The following TNNT3 variants were observed in gnomAD, a reference collection of about 807,000 sequenced individuals.
TNNT3 encodes troponin T3, fast skeletal type.
A neutral mutation model predicts 54.2 loss-of-function variants in TNNT3; 36 were observed. The ratio of observed to expected loss-of-function variants is 0.66; its 90% confidence interval spans 0.51 to 0.88. The LOEUF (loss-of-function observed/expected upper bound fraction) is 0.88. Among genes scored for constraint, TNNT3 ranks in the 40% least tolerant of loss-of-function variants. TNNT3 has a pLI of 0.00. For synonymous variants in TNNT3, 120 were observed against 109.7 expected (o/e 1.09, Z -0.59); for missense variants, 291 against 331.6 (o/e 0.88, Z 0.95).
At position 1,934,112 on chromosome 11, in the gene TNNT3, T is replaced by A; in HGVS notation, c.366+104T>A. 3.8e-6 allele frequency: 5 copies of A among 1,330,374 alleles called. No individual in the cohort carries two copies. The South Asian group carries it at 6.2e-5, about 17-fold the overall frequency. The allele number at this position is 1,330,374 out of a possible 1,614,324, so 82.4% of individuals were successfully genotyped here. A position where few individuals can be genotyped will look rare whatever the true frequency, so the allele number is the denominator to read the frequency against. On this transcript the variant is annotated intron_variant, in intron 11 of 15. Transcript: ENST00000278317. ...CTTCTCCCGGGGTTCCCATTGTCAT[T>A]GGCCAATGATCAGAACCACTGGCTA...
At position 1,938,616 on chromosome 11, in the gene TNNT3, T is replaced by A. The variant is rs534053165; in HGVS notation, c.*124T>A. 6.4e-5 allele frequency: 66 copies of A among 1,025,686 alleles called. No individual in the cohort carries two copies. In the South Asian group the frequency reaches 8.5e-4, roughly 13 times the overall value. 63.5% of individuals were successfully genotyped at this position (1,025,686 alleles called of 1,614,324 possible). On this transcript the variant is annotated 3_prime_UTR_variant, in exon 16 of 16. Coordinates refer to ENST00000278317, the MANE Select transcript of TNNT3 (RefSeq NM_006757.4). Reference sequence around the variant, plus strand: ...AGGGGCTCCCTGACAGTCCTGGGGGTGGAGAGGCCATCCCGGGGCGTCCCC... The same window carrying A: ...AGGGGCTCCCTGACAGTCCTGGGGGAGGAGAGGCCATCCCGGGGCGTCCCC...
chr11:1,930,317 G>C (rs1007210411), intron 8 of TNNT3, among the ~76,000 whole-genome samples: 4 of 152,158 alleles, frequency 2.6e-5, no homozygotes, highest in African/African-American at 9.7e-5. Flanking sequence ...AGGACTCCCA[G>C]AGTCCTAGAT....
At position 1,927,609 on chromosome 11, in the gene TNNT3, C is replaced by T. The variant is rs187204602; in HGVS notation, c.82+900C>T. 5.0e-4 allele frequency among the ~76,000 whole-genome samples: 76 copies of T among 152,284 alleles called. 1 individual carries two copies. In the East Asian group the frequency reaches 0.012, roughly 24 times the overall value. On this transcript the variant is annotated intron_variant, in intron 6 of 15. Transcript: ENST00000278317. ...TGTGGGGATGACAGGGTTGCTGGGC[C>T]GCTCTGGAACCAGCACTGAGGCCAG... is the stretch of plus-strand genomic sequence containing the variant.
At chr11:1,934,492 A>G in intron 12 of TNNT3, 47 bp downstream of exon 12, 1 of 1,608,170 alleles carries the variant, frequency 6.2e-7, no homozygotes, top group Non-Finnish European at 8.5e-7. Flanking sequence ...AGTGTGGGCT[A>G]CGCCCTGTGC....
chr11:1,935,375 G>A (rs189461238), intron 14 of TNNT3: 107 of 297,890 alleles, frequency 3.6e-4, no homozygotes, highest in South Asian at 2.3e-3. Flanking sequence ...CCAGGGCCCC[G>A]GACACCTGCT....
intron 8 of TNNT3, among the ~76,000 whole-genome samples, chr11:1,931,887 ATTG>A (rs1017997171): frequency 1.3e-4 from 19 of 151,886 alleles, no homozygotes; most frequent in Admixed American, 2.0e-4. Flanking sequence ...GTTGGAAAAA[ATTG>A]TTGTTGTTTT....
At chr11:1,934,064 A>G in intron 11 of TNNT3, 56 bp downstream of exon 11, 2 of 1,551,858 alleles carry the variant, frequency 1.3e-6, no homozygotes, top group South Asian at 2.3e-5. Flanking sequence ...AGGCCCAGAG[A>G]AATGCAGGGG....
intron 14 of TNNT3, among the ~76,000 whole-genome samples, chr11:1,936,534 C>T (rs890148105): frequency 6.6e-6 from 1 of 152,144 alleles, no homozygotes; most frequent in Non-Finnish European, 1.5e-5. Context: ...AGGGCGGGAG[C>T]GGCTGGCCCA....
intron 3 of TNNT3, 110 bp from the exon 4 acceptor site, chr11:1,923,445 G>A: frequency 1.7e-6 from 2 of 1,182,800 alleles, no homozygotes. Flanking sequence ...TTGGGCAGGG[G>A]CAGTCGCTGG....
At chr11:1,928,364 G>A (rs2133351066) in intron 6 of TNNT3, among the ~76,000 whole-genome samples, 1 of 152,192 alleles carries the variant, frequency 6.6e-6, no homozygotes, top group African/African-American at 2.4e-5. Context: ...CCCTTATTAG[G>A]GTGGCCAGGG....
intron 3 of TNNT3, 101 bp downstream of exon 3, chr11:1,923,162 C>A: frequency 1.3e-6 from 2 of 1,510,116 alleles, no homozygotes; most frequent in Non-Finnish European, 1.8e-6. Context: ...CCCTTGACAG[C>A]CCTACATCAG....
At chr11:1,936,292 T>C (rs1855013339) in intron 14 of TNNT3, 15 of 1,610,336 alleles carry the variant, frequency 9.3e-6, no homozygotes, top group Non-Finnish European at 1.2e-5. Flanking sequence ...GGCCCGTGGG[T>C]GTGCGTTGCA....
chr11:1,929,410 A>T (rs918188725), intron 7 of TNNT3, among the ~76,000 whole-genome samples: 1 of 152,176 alleles, frequency 6.6e-6, no homozygotes, highest in Non-Finnish European at 1.5e-5. Context: ...CAGCAGTGCC[A>T]GAGCCCGGGC....
At chr11:1,928,850 C>T (rs866878430) in intron 6 of TNNT3, 10 of 550,300 alleles carry the variant, frequency 1.8e-5, no homozygotes, top group South Asian at 3.9e-5. Context: ...CCTTGCCCCG[C>T]GAGGTCCCCG....
intron 5 of TNNT3, 105 bp downstream of exon 5, chr11:1,925,221 T>A (rs1444492333): frequency 5.6e-6 from 9 of 1,603,826 alleles, no homozygotes; most frequent in Non-Finnish European, 7.7e-6. Flanking sequence ...TGTGCCCCTG[T>A]CTAACCCTCT....
In TNNT3 at chr11:1,925,193, C is replaced by A. The variant is rs367945356; in HGVS notation, c.67+77C>A. On this transcript the variant is annotated intron_variant, in intron 5 of 15. Coordinates refer to ENST00000278317, the MANE Select transcript of TNNT3 (RefSeq NM_006757.4). ...CCCCACCCAAAGTTGACCTCCACCC[C>A]GCCTCTAAGGATTGCTGTGTGCCCC... 5 of 1,601,672 alleles carry A rather than the reference C, an allele frequency of 3.1e-6. No individual in the cohort carries two copies. In the Admixed American group the frequency reaches 8.5e-5, roughly 27 times the overall value.
intron 1 of TNNT3, among the ~76,000 whole-genome samples, chr11:1,920,921 C>T (rs112101142): frequency 7.9e-5 from 12 of 152,136 alleles, no homozygotes; most frequent in South Asian, 2.1e-4. Context: ...TGCTTCCAGG[C>T]GCTCAGCAGA....
intron 9 of TNNT3, 34 bp downstream of exon 9, chr11:1,932,548 G>C (rs371612957): frequency 1.2e-6 from 2 of 1,610,016 alleles, no homozygotes; most frequent in Non-Finnish European, 1.7e-6. Flanking sequence ...ACATGTCCAC[G>C]GTTTCCCCAC....
At position 1,938,611 on chromosome 11, in the gene TNNT3, G is replaced by A; in HGVS notation, c.*119G>A. 1.8e-6 allele frequency: 2 copies of A among 1,126,424 alleles called. No homozygotes were observed. Among genetic ancestry groups the A allele is most frequent in the South Asian group, 1.3e-5 (1 of 76,532 alleles). The allele number at this position is 1,126,424 out of a possible 1,614,324, so 69.8% of individuals were successfully genotyped here. On this transcript the variant is annotated 3_prime_UTR_variant, in exon 16 of 16. Coordinates refer to ENST00000278317, the MANE Select transcript of TNNT3 (RefSeq NM_006757.4). ...CTGTCAGGGGCTCCCTGACAGTCCT[G>A]GGGGTGGAGAGGCCATCCCGGGGCG... is the stretch of plus-strand genomic sequence containing the variant.
Sources: allele counts gnomAD v4.1 joint callset (sites outside exome capture counted in the v4.1 genomes callset), GRCh38; gene constraint gnomAD v4.1.1; transcripts MANE v1.5; gene names NCBI Gene and HGNC (gene_info 2026-07-23, HGNC 2026-07-21).